Variants in FHIT observed in about 807,000 individuals in gnomAD.
FHIT encodes fragile histidine triad diadenosine triphosphatase, also known as bis(5'-adenosyl)-triphosphatase.
FHIT carries 19 observed loss-of-function variants against 17.9 expected under a neutral mutation model. The observed-to-expected ratio is 1.06, with a 90% CI of 0.74 to 1.56. The LOEUF (loss-of-function observed/expected upper bound fraction) is 1.56. Ranked by LOEUF, FHIT falls within the 40% of genes most tolerant of loss-of-function variation. The pLI is 0.00. For missense variants in FHIT, 248 were observed against 189.2 expected (o/e 1.31, Z -1.82); for synonymous variants, 81 against 69.7 (o/e 1.16, Z -0.81).
chr3:60,076,918 A>T (rs1369343008), intron 5 of FHIT, among the ~76,000 whole-genome samples: 2 of 152,096 alleles, frequency 1.3e-5, no homozygotes, highest in African/African-American at 4.8e-5. Flanking sequence ...TTCCCCATCC[A>T]AGGAAAACAA....
At chr3:60,095,072 A>G (rs2107113658) in intron 5 of FHIT, among the ~76,000 whole-genome samples, 1 of 152,308 alleles carries the variant, frequency 6.6e-6, no homozygotes, top group South Asian at 2.1e-4. Context: ...CACAACACCA[A>G]ATGGGCTTCA....
At chr3:60,185,014 T>C (rs1702099233) in intron 5 of FHIT, among the ~76,000 whole-genome samples, 1 of 152,166 alleles carries the variant, frequency 6.6e-6, no homozygotes, top group African/African-American at 2.4e-5. Flanking sequence ...CTTGGCACTA[T>C]AACGTGCTCC....
chr3:61,015,674 G>T (rs1190575956), intron 3 of FHIT, among the ~76,000 whole-genome samples: 1 of 152,050 alleles, frequency 6.6e-6, no homozygotes, highest in Non-Finnish European at 1.5e-5. Context: ...TAAGAAATAA[G>T]GTGAAGAACA....
At chr3:60,493,157 A>G (rs2107504972) in intron 5 of FHIT, among the ~76,000 whole-genome samples, 1 of 152,294 alleles carries the variant, frequency 6.6e-6, no homozygotes, top group South Asian at 2.1e-4. Context: ...AGTAAAAGAA[A>G]TAAGGGTATT....
intron 4 of FHIT, among the ~76,000 whole-genome samples, chr3:60,608,838 T>C (rs1319871809): frequency 6.6e-6 from 1 of 152,188 alleles, no homozygotes; most frequent in Non-Finnish European, 1.5e-5. Flanking sequence ...TATCTTGAAT[T>C]AGTCTGTAAC....
At chr3:60,037,850 A>C (rs1701283471) in intron 5 of FHIT, among the ~76,000 whole-genome samples, 1 of 151,976 alleles carries the variant, frequency 6.6e-6, no homozygotes, top group Non-Finnish European at 1.5e-5. Context: ...AGTAGCTGGG[A>C]CTACAGGTGC....
intron 7 of FHIT, among the ~76,000 whole-genome samples, chr3:59,925,514 G>T (rs1705615341): frequency 1.3e-5 from 2 of 152,124 alleles, no homozygotes; most frequent in South Asian, 2.1e-4. Flanking sequence ...CATATGGGGG[G>T]TTGCGAACCT....
chr3:60,258,755 G>T (rs1383855436), intron 5 of FHIT, among the ~76,000 whole-genome samples: 1 of 152,034 alleles, frequency 6.6e-6, no homozygotes, highest in Non-Finnish European at 1.5e-5. Context: ...TTCTATGTTG[G>T]TTTGATGGAA....
intron 8 of FHIT, among the ~76,000 whole-genome samples, chr3:59,777,229 G>T (rs1471609856): frequency 6.6e-6 from 1 of 152,098 alleles, no homozygotes; most frequent in Non-Finnish European, 1.5e-5. Flanking sequence ...CTCATTCAAG[G>T]CCATGGCTTT....
intron 2 of FHIT, among the ~76,000 whole-genome samples, chr3:61,083,675 A>G (rs2035218680): frequency 6.6e-6 from 1 of 152,064 alleles, no homozygotes; most frequent in Non-Finnish European, 1.5e-5. Flanking sequence ...ACTCTAACCA[A>G]CCACTCATCC....
intron 4 of FHIT, among the ~76,000 whole-genome samples, chr3:60,714,203 T>G (rs552757573): frequency 1.3e-5 from 2 of 152,324 alleles, no homozygotes; most frequent in South Asian, 4.1e-4. Flanking sequence ...TCTCAATAGA[T>G]GCAGAAAAGG....
intron 5 of FHIT, among the ~76,000 whole-genome samples, chr3:60,396,513 C>A (rs1220567203): frequency 6.6e-6 from 1 of 152,066 alleles, no homozygotes; most frequent in Non-Finnish European, 1.5e-5. Flanking sequence ...AAGATTAAAT[C>A]ATAGTGGCTA....
chr3:60,457,708 C>G (rs1308557751), intron 5 of FHIT, among the ~76,000 whole-genome samples: 1 of 150,092 alleles, frequency 6.7e-6, no homozygotes, highest in Admixed American at 6.7e-5. Context: ...TATCCAGAAT[C>G]TACAATGAAC....
chr3:61,168,694 G>C (rs1265053562), intron 2 of FHIT, among the ~76,000 whole-genome samples: 3 of 152,194 alleles, frequency 2.0e-5, no homozygotes, highest in African/African-American at 7.2e-5. Context: ...GTTTCAAGCT[G>C]TTTTTGTTGA....
intron 4 of FHIT, among the ~76,000 whole-genome samples, chr3:60,677,792 G>C (rs1553695780): frequency 6.6e-6 from 1 of 152,140 alleles, no homozygotes; most frequent in African/African-American, 2.4e-5. Context: ...AAGCCATCCA[G>C]TCCTGGGCAT....
intron 4 of FHIT, among the ~76,000 whole-genome samples, chr3:60,691,370 T>C (rs1364395669): frequency 6.6e-6 from 1 of 151,958 alleles, no homozygotes; most frequent in Non-Finnish European, 1.5e-5. Flanking sequence ...ATTTTTTCTT[T>C]TTCTTCTTTT....
intron 5 of FHIT, among the ~76,000 whole-genome samples, chr3:60,353,263 TA>T (rs755019372): frequency 2.6e-5 from 4 of 151,990 alleles, no homozygotes; most frequent in Admixed American, 1.3e-4. Context: ...CCTAAAACAT[TA>T]AAAAAAGTGG....
At chr3:61,051,772 G>C (rs903198279) in intron 2 of FHIT, among the ~76,000 whole-genome samples, 1 of 152,168 alleles carries the variant, frequency 6.6e-6, no homozygotes, top group African/African-American at 2.4e-5. Context: ...AGTTCTGGAA[G>C]CTAATTTTGG....
intron 5 of FHIT, among the ~76,000 whole-genome samples, chr3:60,152,308 C>T (rs545181784): frequency 4.6e-5 from 7 of 152,322 alleles, no homozygotes; most frequent in African/African-American, 1.7e-4. Flanking sequence ...CACACATAAA[C>T]TACTCTGATC....
Sources: gnomAD v4.1 joint callset for allele counts (sites outside exome capture counted in the v4.1 genomes callset) on GRCh38, gnomAD v4.1.1 for gene constraint, MANE v1.5 for transcripts, NCBI Gene and HGNC (gene_info 2026-07-23, HGNC 2026-07-21) for gene names.